Variants in AMD1 observed in about 807,000 individuals in gnomAD.
The protein encoded by AMD1 is S-adenosylmethionine decarboxylase proenzyme.
A neutral mutation model predicts 40.2 loss-of-function variants in AMD1; 11 were observed. The observed-to-expected ratio is 0.27, with a 90% confidence interval of 0.17 to 0.45. The LOEUF (loss-of-function observed/expected upper bound fraction) is 0.45. Ranked by LOEUF, AMD1 falls within the 20% of genes least tolerant of loss-of-function variation. The pLI is 1.00. For synonymous variants in AMD1, 121 were observed against 130.8 expected, an observed-to-expected ratio of 0.93 and a Z score of 0.51; for missense variants, 257 against 410.2, an observed-to-expected ratio of 0.63 and a Z score of 3.23.
intron 1 of AMD1, among the ~76,000 whole-genome samples, chr6:110,878,467 A>G (rs1216888393): frequency 1.3e-5 from 2 of 152,346 alleles, no homozygotes; most frequent in Non-Finnish European, 2.9e-5. Context: ...ACAAAGAAAA[A>G]TCTTTTATGA....
the AMD1 span, chr6:110,858,873 C>G: frequency 2.7e-6 from 2 of 748,554 alleles, no homozygotes. Flanking sequence ...CAGATGGGTA[C>G]AAACAAGTGT....
At chr6:110,880,484 T>C (rs956473372) in intron 1 of AMD1, among the ~76,000 whole-genome samples, 1 of 152,354 alleles carries the variant, frequency 6.6e-6, no homozygotes, top group African/African-American at 2.4e-5. Context: ...CTAGGAGTTT[T>C]ATTCGCTGTT....
intron 1 of AMD1, among the ~76,000 whole-genome samples, chr6:110,879,441 C>T (rs1227383315): frequency 2.6e-5 from 4 of 151,978 alleles, no homozygotes; most frequent in Non-Finnish European, 5.9e-5. Context: ...GAGGAGTATC[C>T]CGATTTGGGG....
At chr6:110,880,546 G>A (rs755021640) in intron 1 of AMD1, among the ~76,000 whole-genome samples, 24 of 152,146 alleles carry the variant, frequency 1.6e-4, no homozygotes, top group Non-Finnish European at 3.2e-4. Flanking sequence ...ATGATGTAAG[G>A]TAAAAGTCCA....
chr6:110,886,311 T>G (rs1785682409), intron 1 of AMD1, among the ~76,000 whole-genome samples: 2 of 152,238 alleles, frequency 1.3e-5, no homozygotes, highest in African/African-American at 4.8e-5. Flanking sequence ...TTTCTTCTTT[T>G]TTTAAAGACC....
At chr6:110,874,006 T>C (rs1364792276), upstream of AMD1, among the ~76,000 whole-genome samples, 1 of 152,242 alleles carries the variant, frequency 6.6e-6, no homozygotes, top group Non-Finnish European at 1.5e-5. Flanking sequence ...GTTGAGCTAA[T>C]GGAGCAACGG....
At chr6:110,876,402 G>A (rs1429392742) in intron 1 of AMD1, among the ~76,000 whole-genome samples, 1 of 152,218 alleles carries the variant, frequency 6.6e-6, no homozygotes, top group African/African-American at 2.4e-5. Context: ...CGCACTCAGA[G>A]CCTGGCCCCA....
At chr6:110,835,608 G>A in the AMD1 span, among the ~76,000 whole-genome samples, 2 of 152,008 alleles carry the variant, frequency 1.3e-5, no homozygotes, top group African/African-American at 2.4e-5. Context: ...GTTCACGCCT[G>A]TAATCCCAGC....
chr6:110,858,884 G>T, the AMD1 span: 1 of 813,616 alleles, frequency 1.2e-6, no homozygotes, highest in Non-Finnish European at 2.2e-6. Context: ...AAACAAGTGT[G>T]CCAGCCAGGT....
the AMD1 span, among the ~76,000 whole-genome samples, chr6:110,862,614 G>T: frequency 6.0e-5 from 9 of 150,898 alleles, no homozygotes; most frequent in Non-Finnish European, 8.9e-5. Context: ...TTACCAGCTC[G>T]CATCACCACG....
chr6:110,853,642 C>T, the AMD1 span, among the ~76,000 whole-genome samples: 11 of 152,032 alleles, frequency 7.2e-5, no homozygotes, highest in Non-Finnish European at 5.9e-5. Flanking sequence ...GGTTTCACCA[C>T]GTTGGCCAGG....
upstream of AMD1, among the ~76,000 whole-genome samples, chr6:110,874,430 A>G (rs1784984161): frequency 2.0e-5 from 3 of 151,620 alleles, no homozygotes; most frequent in South Asian, 6.2e-4. Flanking sequence ...CAACACCCCT[A>G]AGGACCCACC....
the AMD1 span, among the ~76,000 whole-genome samples, chr6:110,869,374 C>T: frequency 1.3e-5 from 2 of 152,084 alleles, no homozygotes; most frequent in Non-Finnish European, 2.9e-5. Context: ...CCTCGTGATC[C>T]GCCCGCCTCG....
the AMD1 span, among the ~76,000 whole-genome samples, chr6:110,853,671 TC>T: frequency 2.6e-5 from 4 of 152,030 alleles, no homozygotes; most frequent in African/African-American, 2.4e-5. Context: ...GAACTCCTCA[TC>T]TCAAGCGATC....
At chr6:110,857,396 G>A in the AMD1 span, among the ~76,000 whole-genome samples, 6 of 151,738 alleles carry the variant, frequency 4.0e-5, no homozygotes, top group South Asian at 1.2e-3. Context: ...GCTGGGCGTG[G>A]TGGTGCATGC....
chr6:110,870,204 G>A (rs965908559), upstream of AMD1, among the ~76,000 whole-genome samples: 5 of 152,192 alleles, frequency 3.3e-5, no homozygotes, highest in Admixed American at 3.3e-4. Flanking sequence ...TGATGTAAAT[G>A]CTCACAACAT....
chr6:110,892,631 T>C, intron 6 of AMD1, 104 bp from the exon 7 acceptor site: 9 of 1,440,298 alleles, frequency 6.2e-6, no homozygotes, highest in Non-Finnish European at 8.6e-6. Flanking sequence ...CCATTAGTTA[T>C]TTTTCCTGGT....
chr6:110,826,271 CAAAAAAAA>C, the AMD1 span, among the ~76,000 whole-genome samples: 41 of 59,366 alleles, frequency 6.9e-4, 1 homozygote, highest in South Asian at 0.026. Flanking sequence ...GACACCATCC[CAAAAAAAA>C]AAAAAAAAAA....
At chr6:110,852,321 A>C in the AMD1 span, among the ~76,000 whole-genome samples, 1 of 145,014 alleles carries the variant, frequency 6.9e-6, no homozygotes, top group Non-Finnish European at 1.5e-5. Flanking sequence ...TCCTGGGTTC[A>C]AGCAATTCTC....
Sources: gnomAD v4.1 joint callset for allele counts (sites outside exome capture counted in the v4.1 genomes callset) on GRCh38, gnomAD v4.1.1 for gene constraint, MANE v1.5 for transcripts, NCBI Gene and HGNC (gene_info 2026-07-23, HGNC 2026-07-21) for gene names.